Variants in RNF38 observed in about 807,000 individuals in gnomAD.
RNF38 encodes the protein ring finger protein 38.
In RNF38, 15 loss-of-function variants were observed where a neutral mutation model predicts 67.2. The ratio of observed to expected loss-of-function variants is 0.22; its 90% CI spans 0.15 to 0.34. The LOEUF is 0.34. RNF38 is among the 10% of genes least tolerant of loss of function. RNF38 has a pLI of 1.00. For synonymous variants in RNF38, 220 were observed against 218.8 expected (o/e 1.01, Z -0.05); for missense variants, 524 against 639.9 (o/e 0.82, Z 1.95).
chr9:36,369,019 T>C (rs1750528964), intron 4 of RNF38, among the ~76,000 whole-genome samples: 1 of 151,992 alleles, frequency 6.6e-6, no homozygotes, highest in African/African-American at 2.4e-5. Context: ...AAAAGGGAAA[T>C]GAAACATTGT....
At chr9:36,366,326 T>TA (rs1242549996) in intron 4 of RNF38, among the ~76,000 whole-genome samples, 6 of 152,180 alleles carry the variant, frequency 3.9e-5, no homozygotes, top group African/African-American at 1.4e-4. Flanking sequence ...CAAATAAAAA[T>TA]AAATGATTTT....
At chr9:36,473,845 G>A (rs1840056705) in intron 1 of RNF38, among the ~76,000 whole-genome samples, 1 of 151,524 alleles carries the variant, frequency 6.6e-6, no homozygotes, top group Non-Finnish European at 1.5e-5. Context: ...AAATTAGCCG[G>A]GCGTGGTGGC....
intron 2 of RNF38, among the ~76,000 whole-genome samples, chr9:36,411,890 C>A (rs1838335693): frequency 6.6e-6 from 1 of 152,032 alleles, no homozygotes; most frequent in Admixed American, 6.6e-5. Context: ...TATTATTCGC[C>A]TTATAAAGAA....
intron 3 of RNF38, 66 bp downstream of exon 3, chr9:36,375,868 A>T: frequency 7.0e-7 from 1 of 1,427,076 alleles, no homozygotes; most frequent in African/African-American, 1.4e-5. Flanking sequence ...ATGTTTTCTG[A>T]TGTTAAATAT....
intron 2 of RNF38, among the ~76,000 whole-genome samples, chr9:36,413,695 T>TTTTGTTTG (rs58149705): frequency 0.76 from 114,474 of 151,092 alleles, 43,626 homozygotes; most frequent in African/African-American, 0.85. Context: ...CTATTCCTAG[T>TTTTGTTTG]TTTGTTTGTT....
chr9:36,434,820 C>T lies in RNF38; in HGVS notation n.242-10137G>A, dbSNP rs574340523. On this transcript the variant is annotated intron_variant and non_coding_transcript_variant, in intron 1 of 3. Transcript: ENST00000488058. ...ATGCCTCTCAAGATTAGAACTGGCT[C>T]CATGAGGGCAGGAAATTCCCTTGCC... is the stretch of plus-strand genomic sequence containing the variant. Among the ~76,000 whole-genome samples the T allele has an allele frequency of 2.0e-5, 3 of 152,298 alleles. No individual in the cohort carries two copies. In the South Asian group the frequency reaches 6.2e-4, roughly 32 times the overall value.
At chr9:36,401,184 A>G, upstream of RNF38, 1 of 972,110 alleles carries the variant, frequency 1.0e-6, no homozygotes, top group African/African-American at 1.9e-5. Context: ...CTTTGTTTCC[A>G]CCCCGAGGGG....
chr9:36,446,377 T>G (rs1281282466), intron 1 of RNF38, among the ~76,000 whole-genome samples: 2 of 152,204 alleles, frequency 1.3e-5, no homozygotes, highest in African/African-American at 2.4e-5. Context: ...AGTACAACAG[T>G]TTACATGAAA....
Position 36,351,050 on chromosome 9 carries a change from T to G in RNF38, c.1263+65A>C. 8 of 1,174,236 alleles carry G rather than the reference T, an allele frequency of 6.8e-6. No homozygotes were observed. In the South Asian group the frequency reaches 1.1e-4, roughly 16 times the overall value. 72.7% of individuals were successfully genotyped at this position (1,174,236 alleles called of 1,614,324 possible). A position where few individuals can be genotyped will look rare whatever the true frequency, so the allele number is the denominator to read the frequency against. ...GATTGGACACCTGTGGTTTAAAGAG[T>G]TAAGTAGAATAATACTTTCATGCAC... On this transcript the variant is annotated intron_variant, in intron 9 of 11. Coordinates refer to ENST00000259605, the MANE Select transcript of RNF38 (RefSeq NM_022781.5).
intron 1 of RNF38, among the ~76,000 whole-genome samples, chr9:36,398,574 T>A (rs1361964855): frequency 2.0e-5 from 3 of 152,196 alleles, no homozygotes; most frequent in Non-Finnish European, 2.9e-5. Context: ...TCGTATTAAT[T>A]AACGTTTGCT....
In RNF38 at chr9:36,336,524, T is replaced by G. The variant is rs1217660436; in HGVS notation, c.*3228A>C. On this transcript the variant is annotated 3_prime_UTR_variant, in exon 12 of 12. Coordinates refer to ENST00000259605, the MANE Select transcript of RNF38 (RefSeq NM_022781.5). ...CATTACTAGTAACTTTCATAAAAAA[T>G]GTACAAACTTTGTTAAAAATTTATC... The G allele has an allele frequency of 6.6e-6, 1 of 152,566 alleles. No homozygotes were observed. Among genetic ancestry groups the G allele is most frequent in the Non-Finnish European group, 1.5e-5 (1 of 68,036 alleles). The allele number at this position is 152,566 out of a possible 1,614,324, so 9.5% of individuals were successfully genotyped here.
chr9:36,448,259 C>G (rs537612160), intron 1 of RNF38, among the ~76,000 whole-genome samples: 1 of 152,184 alleles, frequency 6.6e-6, no homozygotes, highest in Non-Finnish European at 1.5e-5. Context: ...TAGGCAAGCA[C>G]AAATGTAAAC....
At chr9:36,360,848 T>C (rs79319828) in intron 4 of RNF38, among the ~76,000 whole-genome samples, 2,364 of 152,262 alleles carry the variant, frequency 0.016, 28 homozygotes, top group East Asian at 0.06. Context: ...TCTTGATATA[T>C]TGCCAACAAT....
intron 2 of RNF38, among the ~76,000 whole-genome samples, chr9:36,421,776 G>C (rs1409037726): frequency 6.6e-6 from 1 of 152,228 alleles, no homozygotes; most frequent in Non-Finnish European, 1.5e-5. Context: ...GGGAGAGAGA[G>C]TGAGTGTGCA....
intron 2 of RNF38, among the ~76,000 whole-genome samples, chr9:36,381,873 T>C (rs1223750012): frequency 6.6e-6 from 1 of 152,244 alleles, no homozygotes; most frequent in African/African-American, 2.4e-5. Context: ...GTCACTCATA[T>C]TGTCTCAGAA....
intron 1 of RNF38, among the ~76,000 whole-genome samples, chr9:36,483,048 C>A (rs1243761461): frequency 1.3e-5 from 2 of 152,140 alleles, no homozygotes; most frequent in African/African-American, 2.4e-5. Context: ...AACAGGTATC[C>A]TTTTGCTGGG....
intron 1 of RNF38, among the ~76,000 whole-genome samples, chr9:36,426,754 T>G (rs1022357770): frequency 2.0e-5 from 3 of 152,194 alleles, no homozygotes; most frequent in African/African-American, 7.2e-5. Context: ...ATTTTTTGAG[T>G]AGAATGACTT....
At chr9:36,423,698 C>A (rs1413617790) in intron 2 of RNF38, among the ~76,000 whole-genome samples, 1 of 25,754 alleles carries the variant, frequency 3.9e-5, no homozygotes, top group African/African-American at 1.2e-4. Flanking sequence ...GCCTGTAATC[C>A]CAGCACTTTG....
intron 6 of RNF38, 84 bp downstream of exon 6, chr9:36,356,219 G>T: frequency 7.6e-7 from 1 of 1,323,562 alleles, no homozygotes; most frequent in South Asian, 1.3e-5. Context: ...ATCCACTAAG[G>T]TTATATACCT....
Sources: gnomAD v4.1 joint callset for allele counts (sites outside exome capture counted in the v4.1 genomes callset) on GRCh38, gnomAD v4.1.1 for gene constraint, MANE v1.5 for transcripts, NCBI Gene and HGNC (gene_info 2026-07-23, HGNC 2026-07-21) for gene names.